TRHDE: variants seen among roughly 807,000 people sequenced by gnomAD.
TRHDE encodes thyrotropin-releasing hormone-degrading ectoenzyme.
In TRHDE, 72 loss-of-function variants were observed where a neutral mutation model predicts 125.7. The ratio of observed to expected loss-of-function variants is 0.57; its 90% CI spans 0.47 to 0.70. TRHDE has a LOEUF of 0.70. Among genes scored for constraint, TRHDE ranks in the 30% least tolerant of loss-of-function variants. The pLI is 0.00. For missense variants in TRHDE, 1,110 were observed against 1,327.1 expected, an observed-to-expected ratio of 0.84 and a Z score of 2.54; for synonymous variants, 509 against 509.1, an observed-to-expected ratio of 1.00 and a Z score of 0.00.
intron 12 of TRHDE, among the ~76,000 whole-genome samples, chr12:72,585,784 T>C (rs1447801076): frequency 6.6e-6 from 1 of 152,218 alleles, no homozygotes; most frequent in African/African-American, 2.4e-5. Context: ...CCTGTCAATG[T>C]AAAAGCCTCA....
intron 6 of TRHDE, among the ~76,000 whole-genome samples, chr12:72,519,839 T>C (rs926526458): frequency 6.6e-6 from 1 of 152,214 alleles, no homozygotes; most frequent in Non-Finnish European, 1.5e-5. Context: ...ATGTCCTTTC[T>C]GTTTGTTAGT....
chr12:72,475,360 G>C (rs570030578), intron 5 of TRHDE, among the ~76,000 whole-genome samples: 1 of 152,028 alleles, frequency 6.6e-6, no homozygotes, highest in African/African-American at 2.4e-5. Context: ...GTTATGCATA[G>C]GTGTTGCTTT....
At chr12:72,550,833 A>AT (rs1181008429) in intron 7 of TRHDE, among the ~76,000 whole-genome samples, 9 of 152,000 alleles carry the variant, frequency 5.9e-5, no homozygotes, top group Admixed American at 2.6e-4. Context: ...CTCTGTTTAT[A>AT]CTACACTAAG....
chr12:72,314,399 G>C (rs1868702701), intron 2 of TRHDE, among the ~76,000 whole-genome samples: 1 of 133,482 alleles, frequency 7.5e-6, no homozygotes, highest in African/African-American at 2.8e-5. Context: ...CTTGCAATCT[G>C]TTACTCTGGA....
chr12:72,498,761 A>G (rs1205115646), intron 5 of TRHDE, among the ~76,000 whole-genome samples: 1 of 152,198 alleles, frequency 6.6e-6, no homozygotes, highest in Non-Finnish European at 1.5e-5. Flanking sequence ...AGCAAATACT[A>G]ATGTCTCAAC....
At chr12:72,562,316 C>G (rs1592537464) in intron 8 of TRHDE, 86 bp downstream of exon 8, 2 of 633,216 alleles carry the variant, frequency 3.2e-6, no homozygotes, top group South Asian at 2.5e-5. Context: ...TTATTGACAC[C>G]TGATAGTTTG....
intron 15 of TRHDE, among the ~76,000 whole-genome samples, chr12:72,651,588 G>A (rs537801627): frequency 1.3e-5 from 2 of 151,888 alleles, no homozygotes; most frequent in South Asian, 2.1e-4. Context: ...AGTAAATGTA[G>A]GGTACATACC....
chr12:72,104,496 G>A (rs1459620712), intron 1 of TRHDE, among the ~76,000 whole-genome samples: 1 of 151,962 alleles, frequency 6.6e-6, no homozygotes, highest in African/African-American at 2.4e-5. Context: ...CACAAGAAGG[G>A]AGAAAAAAAA....
rs1421776061 is a variant in TRHDE at position 72,669,793 on chromosome 12, A to G, written c.*6598A>G. The G allele has an allele frequency of 6.6e-6, 1 of 151,836 alleles. No homozygotes were observed. The highest frequency in any genetic ancestry group is 1.5e-5 in the Non-Finnish European group (1 of 67,840). 9.4% of individuals were successfully genotyped at this position (151,836 alleles called of 1,614,324 possible). On this transcript the variant is annotated 3_prime_UTR_variant, in exon 19 of 19. Transcript: ENST00000261180. The stretch of plus-strand genomic sequence containing the variant: ...CCTTTCAAAATATTGTGTAACAGCA[A>G]TTCCACATTATCCTTTTGAATGCTA...
chr12:72,154,173 T>C (rs1876443736), intron 2 of TRHDE, among the ~76,000 whole-genome samples: 1 of 152,174 alleles, frequency 6.6e-6, no homozygotes, highest in African/African-American at 2.4e-5. Flanking sequence ...TCTCTTTTGA[T>C]CTTTGTTGGT....
intron 2 of TRHDE, among the ~76,000 whole-genome samples, chr12:72,359,787 T>A (rs1253597886): frequency 6.6e-6 from 1 of 151,710 alleles, no homozygotes; most frequent in African/African-American, 2.4e-5. Flanking sequence ...TGGAAAATTA[T>A]CCTGATATTC....
chr12:72,377,968 G>A (rs750436595), intron 2 of TRHDE, 27 bp from the exon 3 acceptor site: 3 of 1,511,980 alleles, frequency 2.0e-6, no homozygotes, highest in Non-Finnish European at 1.8e-6. Context: ...AAAGGCTAAA[G>A]TAACTTTTAT....
At chr12:72,507,809 T>C (rs1351910528) in intron 6 of TRHDE, among the ~76,000 whole-genome samples, 2 of 152,266 alleles carry the variant, frequency 1.3e-5, no homozygotes, top group African/African-American at 2.4e-5. Flanking sequence ...CCTCCCATCA[T>C]AGGCCTGGAG....
chr12:72,417,585 G>A (rs1409950845), intron 3 of TRHDE, among the ~76,000 whole-genome samples: 1 of 151,894 alleles, frequency 6.6e-6, no homozygotes, highest in Non-Finnish European at 1.5e-5. Flanking sequence ...TGTACTGGAA[G>A]GTGGGACTTT....
intron 3 of TRHDE, among the ~76,000 whole-genome samples, chr12:72,453,841 G>T (rs1875704810): frequency 6.6e-6 from 1 of 152,218 alleles, no homozygotes; most frequent in East Asian, 1.9e-4. Context: ...TTCAGAGGGT[G>T]TAAGCCATAA....
chr12:72,189,988 A>G (rs986696987), intron 2 of TRHDE, among the ~76,000 whole-genome samples: 2 of 152,158 alleles, frequency 1.3e-5, no homozygotes, highest in African/African-American at 4.8e-5. Context: ...CCAAACAAGT[A>G]GTATTCGGAA....
intron 2 of TRHDE, among the ~76,000 whole-genome samples, chr12:72,147,323 G>A (rs1229810959): frequency 6.6e-6 from 1 of 152,026 alleles, no homozygotes; most frequent in African/African-American, 2.4e-5. Flanking sequence ...AGCAGGCTTG[G>A]TTCAGCAACT....
At chr12:72,374,059 G>C (rs1365916008) in intron 2 of TRHDE, among the ~76,000 whole-genome samples, 1 of 152,140 alleles carries the variant, frequency 6.6e-6, no homozygotes, top group Non-Finnish European at 1.5e-5. Context: ...AGTCATTCAG[G>C]CAAGAAATGG....
At chr12:72,460,848 T>C (rs1565750804) in intron 3 of TRHDE, among the ~76,000 whole-genome samples, 1 of 152,038 alleles carries the variant, frequency 6.6e-6, no homozygotes, top group Non-Finnish European at 1.5e-5. Context: ...ATTTTAAAAA[T>C]TAAAGGGGTG....
Sources: allele counts gnomAD v4.1 joint callset (sites outside exome capture counted in the v4.1 genomes callset), GRCh38; gene constraint gnomAD v4.1.1; transcripts MANE v1.5; gene names NCBI Gene and HGNC (gene_info 2026-07-23, HGNC 2026-07-21).